The following FSTL4 variants were observed in gnomAD, a reference collection of about 807,000 sequenced individuals.
FSTL4 encodes follistatin-related protein 4.
A neutral mutation model predicts 78.2 loss-of-function variants in FSTL4; 28 were observed. The observed-to-expected ratio is 0.36, with a 90% CI of 0.27 to 0.49. FSTL4 has a LOEUF of 0.49. FSTL4 is among the 20% of genes least tolerant of loss of function. The probability of loss-of-function intolerance (pLI) is 0.98; values close to 1 mark genes in which losing one functional copy is unlikely to be tolerated. For synonymous variants in FSTL4, 422 were observed against 440.5 expected (o/e 0.96, Z 0.53); for missense variants, 922 against 1,084.9 (o/e 0.85, Z 2.11).
At chr5:133,554,268 G>C (rs1464772727) in intron 3 of FSTL4, among the ~76,000 whole-genome samples, 30 of 152,318 alleles carry the variant, frequency 2.0e-4, no homozygotes, top group Non-Finnish European at 4.4e-5. Context: ...GGGGAGATGG[G>C]GGGGAGGTGC....
chr5:133,363,378 C>T (rs991461949), intron 4 of FSTL4, among the ~76,000 whole-genome samples: 4 of 151,998 alleles, frequency 2.6e-5, no homozygotes, highest in African/African-American at 9.7e-5. Flanking sequence ...CGGTAGCCCC[C>T]TCAATCCTTG....
At chr5:133,560,530 AT>A (rs1346104636) in intron 3 of FSTL4, among the ~76,000 whole-genome samples, 1 of 151,822 alleles carries the variant, frequency 6.6e-6, no homozygotes, top group East Asian at 2.0e-4. Context: ...TGCTTGGCTA[AT>A]TTTTTGTATT....
intron 4 of FSTL4, among the ~76,000 whole-genome samples, chr5:133,349,295 C>CTCTCTCTGTGTG (rs11269337): frequency 2.2e-4 from 31 of 139,770 alleles, no homozygotes; most frequent in African/African-American, 7.8e-4. Context: ...GCCTCTCTCT[C>CTCTCTCTGTGTG]TGTGTGTGTG....
intron 1 of FSTL4, among the ~76,000 whole-genome samples, chr5:133,606,412 G>A (rs994738742): frequency 3.3e-5 from 5 of 152,166 alleles, no homozygotes; most frequent in Admixed American, 3.3e-4. Context: ...GAGCCACCAT[G>A]CCCAGCTGAG....
At chr5:133,791,232 A>C in the FSTL4 span, among the ~76,000 whole-genome samples, 1 of 151,944 alleles carries the variant, frequency 6.6e-6, no homozygotes, top group Non-Finnish European at 1.5e-5. Context: ...AGAGAAGTCT[A>C]CTCAGCTACC....
At chr5:133,442,527 A>T (rs1340241133) in intron 3 of FSTL4, among the ~76,000 whole-genome samples, 1 of 152,144 alleles carries the variant, frequency 6.6e-6, no homozygotes, top group Non-Finnish European at 1.5e-5. Flanking sequence ...AAAAATCCTC[A>T]TCCGTTTTTG....
Position 133,225,818 on chromosome 5 carries a change from C to G in FSTL4, c.1017G>C (p.Val339=). Residue 339 remains valine, a splice_region_variant and synonymous_variant, in exon 9 of 16, where the codon GTG becomes GTC. Transcript: ENST00000265342. This position sits in a 1 kb window ranked among gnomAD's most constrained non-coding sequence, Gnocchi z 4.6. ...LFQTHVLQVN[V]PPVIRVYPES... ...CTGGATAGACACGGATGACTGGCGGCACTGTGGGTGAGAGTCAGTGCTGGT... is the reference window on the plus strand; with the variant it reads ...CTGGATAGACACGGATGACTGGCGGGACTGTGGGTGAGAGTCAGTGCTGGT... The G allele has an allele frequency of 2.5e-6, 4 of 1,572,518 alleles. No individual in the cohort carries two copies. The highest frequency in any genetic ancestry group is 3.4e-6 in the Non-Finnish European group (4 of 1,160,538).
At chr5:133,460,437 G>T (rs970035575) in intron 3 of FSTL4, among the ~76,000 whole-genome samples, 3 of 152,206 alleles carry the variant, frequency 2.0e-5, no homozygotes, top group African/African-American at 7.2e-5. Context: ...CTGGTCTTTT[G>T]CAGTTTCCAG....
At chr5:133,230,662 C>G (rs1471993839) in intron 8 of FSTL4, among the ~76,000 whole-genome samples, 1 of 152,152 alleles carries the variant, frequency 6.6e-6, no homozygotes, top group Non-Finnish European at 1.5e-5. Context: ...TCTGCCTGCT[C>G]CACCTCCGGT....
In FSTL4 at chr5:133,294,367, C is replaced by T. The variant is rs575219945; in HGVS notation, c.727+18287G>A. Among the ~76,000 whole-genome samples, 73 of 152,242 alleles carry T rather than the reference C, an allele frequency of 4.8e-4. 1 individual carries two copies. The highest frequency in any genetic ancestry group is 3.3e-4 in the Admixed American group (5 of 15,300). On this transcript the variant is annotated intron_variant, in intron 6 of 15. Transcript: ENST00000265342. ...ACCACGTGCAACTTTTTGATGCCTC[C>T]GTTCCTCTTCTGTAAAATGGGCATA...
chr5:133,388,941 C>A (rs762677282), intron 4 of FSTL4, among the ~76,000 whole-genome samples: 3 of 152,000 alleles, frequency 2.0e-5, no homozygotes, highest in Admixed American at 6.6e-5. Context: ...TATGGTTAAT[C>A]TTTCCTTTGA....
At chr5:133,560,555 G>T (rs533557841) in intron 3 of FSTL4, among the ~76,000 whole-genome samples, 1 of 152,078 alleles carries the variant, frequency 6.6e-6, no homozygotes, top group African/African-American at 2.4e-5. Flanking sequence ...AGTAGAGACG[G>T]GGTTTTCACC....
chr5:133,393,060 G>A (rs1459264167), intron 4 of FSTL4, among the ~76,000 whole-genome samples: 1 of 152,140 alleles, frequency 6.6e-6, no homozygotes, highest in African/African-American at 2.4e-5. Flanking sequence ...TTTGTTTTAG[G>A]TCACTTTTCT....
chr5:133,239,160 G>A (rs1003157327), intron 7 of FSTL4, among the ~76,000 whole-genome samples: 35 of 152,182 alleles, frequency 2.3e-4, no homozygotes, highest in Admixed American at 2.1e-3. Flanking sequence ...ATTTCTTGCC[G>A]GGCCTTAGCT....
chr5:133,763,064 T>C, the FSTL4 span, among the ~76,000 whole-genome samples: 1 of 152,340 alleles, frequency 6.6e-6, no homozygotes, highest in East Asian at 1.9e-4. Flanking sequence ...CTGTCTGTGA[T>C]GGCATTCAGT....
At chr5:133,825,553 A>C in the FSTL4 span, among the ~76,000 whole-genome samples, 27 of 152,368 alleles carry the variant, frequency 1.8e-4, no homozygotes, top group Admixed American at 1.8e-3. Flanking sequence ...AGTAATTCAA[A>C]TGACCATTTC....
intron 4 of FSTL4, among the ~76,000 whole-genome samples, chr5:133,393,888 G>C (rs1239211098): frequency 6.6e-6 from 1 of 152,266 alleles, no homozygotes; most frequent in Non-Finnish European, 1.5e-5. Flanking sequence ...GCCCCGCCCA[G>C]CAGTGGCACA....
chr5:133,638,719 T>A, the FSTL4 span, among the ~76,000 whole-genome samples: 5 of 152,184 alleles, frequency 3.3e-5, no homozygotes, highest in Non-Finnish European at 7.3e-5. Context: ...ATTTTGCTTA[T>A]TTCTTTTGTT....
At chr5:133,640,228 C>G in the FSTL4 span, among the ~76,000 whole-genome samples, 7 of 152,188 alleles carry the variant, frequency 4.6e-5, no homozygotes, top group Non-Finnish European at 8.8e-5. Flanking sequence ...TCATTAGCCC[C>G]TTGGTCACAA....
Sources: gnomAD v4.1 joint callset for allele counts (sites outside exome capture counted in the v4.1 genomes callset) on GRCh38, gnomAD v4.1.1 for gene constraint, Gnocchi (gnomAD v3.1) non-coding constraint, MANE v1.5 for transcripts, NCBI Gene and HGNC (gene_info 2026-07-23, HGNC 2026-07-21) for gene names.